The following ANKDD1A variants were observed in gnomAD, a reference collection of about 807,000 sequenced individuals.
ANKDD1A encodes the protein ankyrin repeat and death domain-containing protein 1A.
A neutral mutation model predicts 63.5 loss-of-function variants in ANKDD1A; 59 were observed. The ratio of observed to expected loss-of-function variants is 0.93; its 90% confidence interval spans 0.75 to 1.15. ANKDD1A has a LOEUF of 1.15. Among genes scored for constraint, ANKDD1A ranks in the 50% most tolerant of loss-of-function variants. The probability of loss-of-function intolerance (pLI) is 0.00; values close to 1 mark genes in which losing one functional copy is unlikely to be tolerated. For missense variants in ANKDD1A, 632 were observed against 656.4 expected, an observed-to-expected ratio of 0.96 and a Z score of 0.41; for synonymous variants, 266 against 263.9, an observed-to-expected ratio of 1.01 and a Z score of -0.08.
At chr15:64,913,042 T>C (rs1050558063) in intron 1 of ANKDD1A, among the ~76,000 whole-genome samples, 4 of 152,150 alleles carry the variant, frequency 2.6e-5, no homozygotes, top group African/African-American at 9.7e-5. Flanking sequence ...ATGGAAGAGA[T>C]GAGACTGGAC....
rs760664424 is a variant in ANKDD1A at position 64,915,799 on chromosome 15, CT to C, written c.39del (p.Pro14LeufsTer21). ...TGCACCCCATTTTCTCCCCACAGTG[CT>C]TCCTCTGGAGAGGCAGCTCCACGAG... is the stretch of plus-strand genomic sequence containing the variant. ...EELAWETDGL[L>X]PLERQLHEAA... On this transcript the variant is annotated frameshift_variant, in exon 2 of 15. Coordinates refer to ENST00000319580, the MANE Select transcript of ANKDD1A (RefSeq NM_182703.6). LOFTEE classifies it high-confidence loss of function. 6.8e-6 allele frequency: 11 copies of C among 1,613,900 alleles called. No individual in the cohort carries two copies. Among genetic ancestry groups the C allele is most frequent in the Middle Eastern group, 1.7e-4 (1 of 6,052 alleles).
intron 6 of ANKDD1A, among the ~76,000 whole-genome samples, chr15:64,930,563 A>G (rs1402424553): frequency 6.6e-6 from 1 of 152,236 alleles, no homozygotes; most frequent in Non-Finnish European, 1.5e-5. Flanking sequence ...TCTGGGGGAC[A>G]TGAGGAGGGA....
At chr15:64,943,463 T>C in intron 10 of ANKDD1A, 21 bp from the exon 11 acceptor site, 2 of 1,612,338 alleles carry the variant, frequency 1.2e-6, no homozygotes, top group Non-Finnish European at 1.7e-6. Flanking sequence ...CACTTACCTA[T>C]TCCCTTGGCT....
chr15:64,923,037 T>C (rs1212091475), intron 4 of ANKDD1A, among the ~76,000 whole-genome samples: 2 of 152,200 alleles, frequency 1.3e-5, no homozygotes, highest in Non-Finnish European at 2.9e-5. Context: ...GAAAACTTGG[T>C]TTGTAATATT....
intron 14 of ANKDD1A, among the ~76,000 whole-genome samples, chr15:64,952,938 TCTTCTTCCTTC>T (rs1305425702): frequency 7.4e-4 from 44 of 59,198 alleles, no homozygotes; most frequent in Admixed American, 1.3e-3. Context: ...TTCTTCTTCC[TCTTCTTCCTTC>T]TCTTTCTTCC....
intron 14 of ANKDD1A, among the ~76,000 whole-genome samples, chr15:64,954,670 CTCT>C (rs146125382): frequency 0.32 from 44,930 of 140,124 alleles, 8,112 homozygotes; most frequent in South Asian, 0.46. Flanking sequence ...TTCTTCTTGT[CTCT>C]TCTTCTTCTC....
chr15:64,954,060 TTCTTTCTTCTTCCTCTTTTC>T (rs1451689086), intron 14 of ANKDD1A, among the ~76,000 whole-genome samples: 7 of 38,138 alleles, frequency 1.8e-4, no homozygotes, highest in Non-Finnish European at 4.9e-4. Context: ...TTTCTCCTTC[TTCTTTCTTCTTCCTCTTTTC>T]TTCTTCTTTC....
intron 13 of ANKDD1A, among the ~76,000 whole-genome samples, chr15:64,948,265 A>C (rs1186509021): frequency 5.3e-5 from 8 of 152,220 alleles, no homozygotes; most frequent in Non-Finnish European, 4.4e-5. Flanking sequence ...ATAATGGTTC[A>C]ACTATAAAAG....
rs374018496 is a variant in ANKDD1A at position 64,921,063 on chromosome 15, TG to T, written c.268-855del. On this transcript the variant is annotated intron_variant, in intron 3 of 14. Transcript: ENST00000319580. ...ACAGCTCACTGTAGCCTCTACCTCC[TG>T]GGCTCAAGTGATCCTCCCACCTCAG... Among the ~76,000 whole-genome samples the T allele has an allele frequency of 1.2e-3, 180 of 152,306 alleles. 1 individual carries two copies. Among genetic ancestry groups the T allele is most frequent in the African/African-American group, 3.7e-3 (152 of 41,562 alleles).
At chr15:64,943,997 A>G (rs897195256) in intron 11 of ANKDD1A, among the ~76,000 whole-genome samples, 4 of 152,212 alleles carry the variant, frequency 2.6e-5, no homozygotes, top group Non-Finnish European at 2.9e-5. Flanking sequence ...GTGGTCTCAG[A>G]AGAGCCAAAG....
rs1202340394 is a variant in ANKDD1A, at chr15:64,917,241, G to GGGCTGGGTCCCCAGCT, written c.139-144_139-129dup. 3 of 1,057,758 alleles carry GGGCTGGGTCCCCAGCT rather than the reference G, an allele frequency of 2.8e-6. No individual in the cohort carries two copies. The Admixed American group carries it at 9.0e-5, about 32-fold the overall frequency. The allele number at this position is 1,057,758 out of a possible 1,614,324, so 65.5% of individuals were successfully genotyped here. A position where few individuals can be genotyped will look rare whatever the true frequency, so the allele number is the denominator to read the frequency against. On this transcript the variant is annotated intron_variant, in intron 2 of 14. Transcript: ENST00000319580. ...TAGGAGAGGAGCATGTGGCAGAATG[G>GGGCTGGGTCCCCAGCT]GGCTGGGTCCCCAGCTAGCTGGGGA...
At position 64,950,515 on chromosome 15, in the gene ANKDD1A, C is replaced by A. The variant is rs184891832; in HGVS notation, c.1483+543C>A. ...TCTAGTACTAATCCCTCATTAAAAA[C>A]AAAATCAGCTCATGATGAAAAAGCC... On this transcript the variant is annotated intron_variant, in intron 14 of 14. Coordinates refer to ENST00000319580, the MANE Select transcript of ANKDD1A (RefSeq NM_182703.6). 370 of 985,382 alleles carry A rather than the reference C, an allele frequency of 3.8e-4. 1 individual carries two copies. In the African/African-American group the frequency reaches 6.1e-3, roughly 16 times the overall value. The allele number at this position is 985,382 out of a possible 1,614,324, so 61.0% of individuals were successfully genotyped here.
At chr15:64,912,229 C>A (rs770779073) in intron 1 of ANKDD1A, among the ~76,000 whole-genome samples, 9 of 152,182 alleles carry the variant, frequency 5.9e-5, no homozygotes, top group Non-Finnish European at 1.2e-4. Context: ...AAGGTAATAG[C>A]GATCCTTGAC....
chr15:64,915,886 A>C lies in ANKDD1A; in HGVS notation c.124A>C (p.Arg42=). ...QELIGRRVNT[R]ARNHVGRVAL... is the part of the protein sequence containing the mutation. ...GCTGATTGGGAGGAGGGTTAACACC[A>C]GGGCCAGAAACCACGTGCGTAATGA... Residue 42 remains arginine (R), a synonymous_variant, in exon 2 of 15, where the codon AGG becomes CGG. Coordinates refer to ENST00000319580, the MANE Select transcript of ANKDD1A (RefSeq NM_182703.6). 6.2e-7 allele frequency: 1 copy of C among 1,613,728 alleles called. No individual in the cohort carries two copies. Among genetic ancestry groups the C allele is most frequent in the Non-Finnish European group, 8.5e-7 (1 of 1,179,780 alleles).
intron 14 of ANKDD1A, among the ~76,000 whole-genome samples, chr15:64,953,375 TTTC>T: frequency 1.2e-5 from 1 of 85,922 alleles, no homozygotes; most frequent in Non-Finnish European, 2.7e-5. Flanking sequence ...TTCTCCTTCT[TTTC>T]CTTTCTTCTT....
intron 1 of ANKDD1A, among the ~76,000 whole-genome samples, chr15:64,913,165 T>C (rs1208863224): frequency 6.6e-6 from 1 of 152,176 alleles, no homozygotes; most frequent in Non-Finnish European, 1.5e-5. Flanking sequence ...CCCCCTAAGC[T>C]GCACATAAGA....
chr15:64,916,288 T>C (rs1351612552), intron 2 of ANKDD1A, among the ~76,000 whole-genome samples: 1 of 151,490 alleles, frequency 6.6e-6, no homozygotes, highest in Admixed American at 6.6e-5. Flanking sequence ...CCCTCTGTGA[T>C]AAGTTGTCGT....
At chr15:64,954,516 TTTC>T (rs1350634211) in intron 14 of ANKDD1A, among the ~76,000 whole-genome samples, 2 of 98,660 alleles carry the variant, frequency 2.0e-5, no homozygotes, top group Admixed American at 1.1e-4. Context: ...TCTTCTCCTC[TTTC>T]TTCTCCTTCT....
At chr15:64,915,187 C>T (rs1291218946) in intron 1 of ANKDD1A, among the ~76,000 whole-genome samples, 1 of 152,152 alleles carries the variant, frequency 6.6e-6, no homozygotes, top group African/African-American at 2.4e-5. Context: ...CACTTGTAAT[C>T]CCAGCTACCG....
Sources: gnomAD v4.1 joint callset for allele counts (sites outside exome capture counted in the v4.1 genomes callset) on GRCh38, gnomAD v4.1.1 for gene constraint, MANE v1.5 for transcripts, NCBI Gene and HGNC (gene_info 2026-07-23, HGNC 2026-07-21) for gene names.